The following OR4M1 variants were observed in gnomAD, a reference collection of about 807,000 sequenced individuals.
OR4M1 encodes olfactory receptor family 4 subfamily M member 1, also known as olfactory receptor 4M1.
Under a neutral mutation model 9.8 loss-of-function variants are expected in OR4M1, and 7 were observed. That is an observed-to-expected ratio of 0.71 (90% CI 0.41 to 1.34). The LOEUF (loss-of-function observed/expected upper bound fraction) is 1.34. OR4M1 is among the 40% of genes most tolerant of loss of function. The pLI, the probability that OR4M1 is intolerant of heterozygous loss-of-function variation, is 0.01. For missense variants in OR4M1, 331 were observed against 380.4 expected, an observed-to-expected ratio of 0.87 and a Z score of 1.08; for synonymous variants, 121 against 139.8, an observed-to-expected ratio of 0.87 and a Z score of 0.95.
rs757772807 is a variant in OR4M1 at position 19,780,593 on chromosome 14, A to G, written c.271A>G (p.Ile91Val). Residue 91 changes from isoleucine to valine, a missense_variant, in exon 2 of 2, where the codon ATA (isoleucine) becomes GTA (valine). Around this residue, in one of 2 missense-constraint regions of OR4M1, gnomAD observed 209 missense variants for 200.0 expected, o/e 1.04. Transcript: ENST00000641200. ...MLIDFFVERK[I>V]ISFGGCIAQL... ...CATAGACTTCTTTGTGGAGAGGAAG[A>G]TAATTTCCTTTGGTGGATGCATTGC... 9 of 1,614,114 alleles carry G rather than the reference A, an allele frequency of 5.6e-6. No homozygotes were observed. In the African/African-American group the frequency reaches 1.1e-4, roughly 19 times the overall value.
intron 1 of OR4M1, among the ~76,000 whole-genome samples, chr14:19,774,189 T>A (rs1878245711): frequency 6.6e-6 from 1 of 152,226 alleles, no homozygotes; most frequent in Non-Finnish European, 1.5e-5. Context: ...AGACTCTTAC[T>A]TGAAATAAAT....
At chr14:19,775,680 A>T (rs2138427304) in intron 1 of OR4M1, among the ~76,000 whole-genome samples, 1 of 147,252 alleles carries the variant, frequency 6.8e-6, no homozygotes, top group Non-Finnish European at 1.5e-5. Flanking sequence ...TTAAAAGAAT[A>T]TATTAAATAT....
rs1234075278 is a variant in OR4M1 at position 19,777,042 on chromosome 14, ATATATATT to A, written c.-29-3251_-29-3244del. On this transcript the variant is annotated intron_variant, in intron 1 of 1. Coordinates refer to ENST00000641200, the MANE Select transcript of OR4M1 (RefSeq NM_001005500.2). The stretch of plus-strand genomic sequence containing the variant: ...TATATATATATATATATATATATAT[ATATATATT>A]GTTTGTTTGTTTTTCCTGTAATGTT... Among the ~76,000 whole-genome samples, 70 of 120,310 alleles carry A rather than the reference ATATATATT, an allele frequency of 5.8e-4. 1 individual carries two copies. The highest frequency in any genetic ancestry group is 4.4e-3 in the Middle Eastern group (1 of 228). The allele number at this position is 120,310 out of a possible 152,430, so 78.9% of individuals were successfully genotyped here. A position where few individuals can be genotyped will look rare whatever the true frequency, so the allele number is the denominator to read the frequency against.
intron 1 of OR4M1, 193 bp from the exon 2 acceptor site, chr14:19,780,101 T>C: frequency 1.8e-6 from 1 of 550,402 alleles, no homozygotes; most frequent in South Asian, 3.1e-5. Flanking sequence ...ACACTTCATA[T>C]AGTTTTAGTG....
At chr14:19,775,755 TTAA>T (rs1566449987) in intron 1 of OR4M1, among the ~76,000 whole-genome samples, 1 of 147,652 alleles carries the variant, frequency 6.8e-6, no homozygotes, top group African/African-American at 2.5e-5. Flanking sequence ...TTACTATATA[TTAA>T]TTTTAATATA....
chr14:19,778,880 T>C (rs1222345205), intron 1 of OR4M1, among the ~76,000 whole-genome samples: 3 of 152,234 alleles, frequency 2.0e-5, no homozygotes, highest in African/African-American at 4.8e-5. Flanking sequence ...ATATGCTTAA[T>C]TAACTCACTG....
At chr14:19,778,938 C>G (rs537155464) in intron 1 of OR4M1, among the ~76,000 whole-genome samples, 200 of 152,288 alleles carry the variant, frequency 1.3e-3, no homozygotes, top group Non-Finnish European at 2.1e-3. Flanking sequence ...GATCCCTTTT[C>G]TAAATAGTCC....
chr14:19,780,727 C>T lies in OR4M1; in HGVS notation c.405C>T (p.Ile135=). Reference sequence around the variant, plus strand: ...GCCGACCCCTCCACTATGCTACCATCATGAATCGACGTCTCTGCTGTATCC... The same window carrying T: ...GCCGACCCCTCCACTATGCTACCATTATGAATCGACGTCTCTGCTGTATCC... The part of the protein sequence containing the change: ...AICRPLHYAT[I]MNRRLCCILV... Residue 135 remains isoleucine, a synonymous_variant, in exon 2 of 2, where the codon ATC becomes ATT. Coordinates refer to ENST00000641200, the MANE Select transcript of OR4M1 (RefSeq NM_001005500.2). 2 of 1,614,268 alleles carry T rather than the reference C, an allele frequency of 1.2e-6. 1 individual carries two copies. The highest frequency in any genetic ancestry group is 1.7e-6 in the Non-Finnish European group (2 of 1,180,042).
chr14:19,779,285 A>T (rs534865773), intron 1 of OR4M1, among the ~76,000 whole-genome samples: 1 of 152,306 alleles, frequency 6.6e-6, no homozygotes, highest in East Asian at 1.9e-4. Context: ...GCAATAGGAG[A>T]GGCAATATCA....
chr14:19,783,105 A>C lies in OR4M1; in HGVS notation c.*1841A>C, dbSNP rs1245012991. 3 of 152,294 alleles carry C rather than the reference A, an allele frequency of 2.0e-5. No individual in the cohort carries two copies. The highest frequency in any genetic ancestry group is 7.2e-5 in the African/African-American group (3 of 41,482). 9.4% of individuals were successfully genotyped at this position (152,294 alleles called of 1,614,324 possible). On this transcript the variant is annotated 3_prime_UTR_variant, in exon 2 of 2. Transcript: ENST00000641200. ...CTAGTAATACAAAGGAAAAAGGCAT[A>C]AAAACAGTAGTGTGATAACTAATTG... is the stretch of plus-strand genomic sequence containing the variant.
rs373106058 is a variant in OR4M1 at position 19,780,661 on chromosome 14, C to A, written c.339C>A (p.Phe113Leu). ...ACTTTGTTGGGGCTTCGGAGATGTTCTTGCTCACAGTGATGGCCTATGACC... is the reference window on the plus strand; with the variant it reads ...ACTTTGTTGGGGCTTCGGAGATGTTATTGCTCACAGTGATGGCCTATGACC... ...FLHFVGASEM[F>L]LLTVMAYDRY... Residue 113 changes from phenylalanine to leucine, a missense_variant, in exon 2 of 2, where the codon TTC (phenylalanine) becomes TTA (leucine). Phe to Leu is a conservative substitution (Grantham distance 22). This residue lies in a region of OR4M1 where 209 missense variants were observed against 200.0 expected (regional missense o/e 1.04). Transcript: ENST00000641200. 3 of 1,614,242 alleles carry A rather than the reference C, an allele frequency of 1.9e-6. No homozygotes were observed. Among genetic ancestry groups the A allele is most frequent in the Non-Finnish European group, 2.5e-6 (3 of 1,180,038 alleles).
chr14:19,780,526 C>T lies in OR4M1; in HGVS notation c.204C>T (p.Leu68=). Residue 68 remains leucine, a synonymous_variant, in exon 2 of 2, where the codon CTC becomes CTT. Transcript: ENST00000641200. The stretch of plus-strand genomic sequence containing the variant: ...ATTTCCTGTTGGCTAATCTGGCCCT[C>T]CTTGATATTTGGTACTCTTCCATTA... The part of the protein sequence containing the change: ...PMYFLLANLA[L]LDIWYSSITA... 1 of 1,614,198 alleles carries T rather than the reference C, an allele frequency of 6.2e-7. No homozygotes were observed. The highest frequency in any genetic ancestry group is 8.5e-7 in the Non-Finnish European group (1 of 1,180,024).
chr14:19,782,503 A>G lies in OR4M1; in HGVS notation c.*1239A>G, dbSNP rs1463295340. The G allele has an allele frequency of 5.3e-5, 8 of 152,256 alleles. No individual in the cohort carries two copies. The highest frequency in any genetic ancestry group is 1.7e-4 in the African/African-American group (7 of 41,466). The allele number at this position is 152,256 out of a possible 1,614,324, so 9.4% of individuals were successfully genotyped here. ...TTTTAAGTGAATTAGATCCTTGTCA[A>G]CATTAGGAATGAATATATAAAAATA... On this transcript the variant is annotated 3_prime_UTR_variant, in exon 2 of 2. Transcript: ENST00000641200.
chr14:19,773,834 G>T (rs1451251707), intron 1 of OR4M1, among the ~76,000 whole-genome samples: 1 of 152,220 alleles, frequency 6.6e-6, no homozygotes, highest in African/African-American at 2.4e-5. Flanking sequence ...GCATTTTAAA[G>T]TCAGGATTGA....
Position 19,781,573 on chromosome 14 carries a change from G to A in OR4M1, c.*309G>A. 3.3e-6 allele frequency: 1 copy of A among 307,028 alleles called. No individual in the cohort carries two copies. Among genetic ancestry groups the A allele is most frequent in the East Asian group, 5.9e-5 (1 of 16,940 alleles). The allele number at this position is 307,028 out of a possible 1,614,324, so 19.0% of individuals were successfully genotyped here. On this transcript the variant is annotated 3_prime_UTR_variant, in exon 2 of 2. Transcript: ENST00000641200. ...TACTCTGCAGAGGCTCTGGCTTTGA[G>A]GGGAACATGTTGATAAAAATAAATA...
rs1878537756 is a variant in OR4M1, at chr14:19,782,713, A to G, written c.*1449A>G. ...CTTCTTCGATCTTCAATGCTACGTT[A>G]CTTCTCTTCTAGGAACCCAAAGGCA... On this transcript the variant is annotated 3_prime_UTR_variant, in exon 2 of 2. Coordinates refer to ENST00000641200, the MANE Select transcript of OR4M1 (RefSeq NM_001005500.2). 1 of 152,234 alleles carries G rather than the reference A, an allele frequency of 6.6e-6. No homozygotes were observed. The highest frequency in any genetic ancestry group is 6.5e-5 in the Admixed American group (1 of 15,284). 9.4% of individuals were successfully genotyped at this position (152,234 alleles called of 1,614,324 possible). A position where few individuals can be genotyped will look rare whatever the true frequency, so the allele number is the denominator to read the frequency against.
At chr14:19,778,949 C>T (rs1878386624) in intron 1 of OR4M1, among the ~76,000 whole-genome samples, 1 of 152,184 alleles carries the variant, frequency 6.6e-6, no homozygotes, top group Non-Finnish European at 1.5e-5. Context: ...TAAATAGTCC[C>T]ACATTACTCA....
intron 1 of OR4M1, among the ~76,000 whole-genome samples, chr14:19,775,139 G>T (rs1448332503): frequency 6.6e-6 from 1 of 152,188 alleles, no homozygotes; most frequent in African/African-American, 2.4e-5. Context: ...CACTGAAGCT[G>T]TCCCTCTTTT....
chr14:19,777,745 T>C (rs1878353860), intron 1 of OR4M1, among the ~76,000 whole-genome samples: 1 of 152,226 alleles, frequency 6.6e-6, no homozygotes, highest in African/African-American at 2.4e-5. Flanking sequence ...TAGCTTTGTT[T>C]TGACATGCAT....
Sources: gnomAD v4.1 joint callset for allele counts (sites outside exome capture counted in the v4.1 genomes callset) on GRCh38, gnomAD v4.1.1 for gene constraint, gnomAD v4.1.1 regional missense constraint, MANE v1.5 for transcripts, NCBI Gene and HGNC (gene_info 2026-07-23, HGNC 2026-07-21) for gene names.